KCNQ1: variants seen among roughly 807,000 people sequenced by gnomAD.
KCNQ1 encodes potassium voltage-gated channel subfamily KQT member 1.
In KCNQ1, 49 loss-of-function variants were observed where a neutral mutation model predicts 72.4. That is an observed-to-expected ratio of 0.68 (90% CI 0.54 to 0.86). KCNQ1 has a LOEUF of 0.86. Ranked by LOEUF, KCNQ1 falls within the 40% of genes least tolerant of loss-of-function variation. The pLI, the probability that KCNQ1 is intolerant of heterozygous loss-of-function variation, is 0.00. For synonymous variants in KCNQ1, 450 were observed against 412.6 expected (o/e 1.09, Z -1.10); for missense variants, 790 against 945.1 (o/e 0.84, Z 2.15).
At position 2,623,742 on chromosome 11, in the gene KCNQ1, AT is replaced by A; in HGVS notation, c.1393+34893del. 1 of 398,522 alleles carries A rather than the reference AT, an allele frequency of 2.5e-6. No homozygotes were observed. The highest frequency in any genetic ancestry group is 4.4e-6 in the Non-Finnish European group (1 of 226,036). 24.7% of individuals were successfully genotyped at this position (398,522 alleles called of 1,614,324 possible). ...AGCTTCTGTAAACATCTCTGTGCAG[AT>A]TTTTATGTGAATATAAGTCTTCACC... is the stretch of plus-strand genomic sequence containing the variant. On this transcript the variant is annotated intron_variant, in intron 10 of 15. Coordinates refer to ENST00000155840, the MANE Select transcript of KCNQ1 (RefSeq NM_000218.3). The surrounding 1 kb of genome is among the most constrained non-coding windows in gnomAD (Gnocchi z 5.2).
chr11:2,689,002 T>TCCCTGGGTTGGAATCCTGGAG, intron 11 of KCNQ1: 1 of 398,678 alleles, frequency 2.5e-6, no homozygotes, highest in East Asian at 3.6e-5. Context: ...AGCCTGCAGG[T>TCCCTGGGTTGGAATCCTGGAG]CCCTGGGTTG....
At chr11:2,555,305 C>T (rs1265386257) in intron 2 of KCNQ1, among the ~76,000 whole-genome samples, 1 of 152,202 alleles carries the variant, frequency 6.6e-6, no homozygotes, top group Non-Finnish European at 1.5e-5. Context: ...ACCCCCTTTT[C>T]CCCCTATCCC....
intron 10 of KCNQ1, chr11:2,616,999 G>C (rs1221294193): frequency 2.5e-6 from 1 of 397,308 alleles, no homozygotes; most frequent in Non-Finnish European, 4.4e-6. Context: ...TGCATATTTA[G>C]TGTATAAAAC....
chr11:2,755,758 T>C (rs1025827697), intron 11 of KCNQ1, among the ~76,000 whole-genome samples: 3 of 152,232 alleles, frequency 2.0e-5, no homozygotes, highest in Non-Finnish European at 4.4e-5. Context: ...CACAATACAA[T>C]GAATTGATAA....
Position 2,494,752 on chromosome 11 carries a change from T to C in KCNQ1, c.387-33176T>C, listed in dbSNP as rs918924924. 6.6e-6 allele frequency among the ~76,000 whole-genome samples: 1 copy of C among 152,222 alleles called. No individual in the cohort carries two copies. Among genetic ancestry groups the C allele is most frequent in the Non-Finnish European group, 1.5e-5 (1 of 68,040 alleles). On this transcript the variant is annotated intron_variant, in intron 1 of 15. Transcript: ENST00000155840. This position sits in a 1 kb window ranked among gnomAD's most constrained non-coding sequence, Gnocchi z 4.6. ...CTGGATTCAGTTTGCCAGTATTTTA[T>C]TGAAGATTTTTGCATCGGTGCTCAT...
chr11:2,654,093 C>G lies in KCNQ1; in HGVS notation c.1394-7868C>G, dbSNP rs533259818. 2.5e-6 allele frequency: 1 copy of G among 398,790 alleles called. No homozygotes were observed. Among genetic ancestry groups the G allele is most frequent in the African/African-American group, 2.1e-5 (1 of 48,778 alleles). The allele number at this position is 398,790 out of a possible 1,614,324, so 24.7% of individuals were successfully genotyped here. On this transcript the variant is annotated intron_variant, in intron 10 of 15. Coordinates refer to ENST00000155840, the MANE Select transcript of KCNQ1 (RefSeq NM_000218.3). This position sits in a 1 kb window ranked among gnomAD's most constrained non-coding sequence, Gnocchi z 6.4. Reference sequence around the variant, plus strand: ...CACTTTCCATCCATGTCCCTTACTTCTCGCCTCTGAGTGGAGACACAGGTG... The same window carrying G: ...CACTTTCCATCCATGTCCCTTACTTGTCGCCTCTGAGTGGAGACACAGGTG...
In KCNQ1 at chr11:2,647,630, G is replaced by A. The variant is rs372052163; in HGVS notation, c.1394-14331G>A. The A allele has an allele frequency of 1.7e-4, 69 of 398,388 alleles. No individual in the cohort carries two copies. The South Asian group carries it at 1.8e-3, about 10-fold the overall frequency. The allele number at this position is 398,388 out of a possible 1,614,324, so 24.7% of individuals were successfully genotyped here. A position where few individuals can be genotyped will look rare whatever the true frequency, so the allele number is the denominator to read the frequency against. On this transcript the variant is annotated intron_variant, in intron 10 of 15. Coordinates refer to ENST00000155840, the MANE Select transcript of KCNQ1 (RefSeq NM_000218.3). The surrounding 1 kb of genome is among the most constrained non-coding windows in gnomAD (Gnocchi z 4.0). ...CAGTAGAAAACCCGTGCAATCCTGA[G>A]GTTTTCTTTACTGGGAGACTTTATT...
chr11:2,571,990 G>T, intron 4 of KCNQ1, 23 bp from the exon 5 acceptor site: 1 of 1,601,454 alleles, frequency 6.2e-7, no homozygotes, highest in Non-Finnish European at 8.5e-7. Flanking sequence ...GGCTCCCTCA[G>T]CCCCACACCA....
At chr11:2,730,598 G>A (rs1056882909) in intron 11 of KCNQ1, among the ~76,000 whole-genome samples, 9 of 152,184 alleles carry the variant, frequency 5.9e-5, no homozygotes, top group Non-Finnish European at 1.2e-4. Flanking sequence ...GACTGCAGGG[G>A]GCCTGGGAGG....
chr11:2,469,560 G>A (rs1481066469), intron 1 of KCNQ1, among the ~76,000 whole-genome samples: 3 of 147,724 alleles, frequency 2.0e-5, no homozygotes, highest in East Asian at 4.2e-4. Flanking sequence ...CATGAGCTAC[G>A]GCTCCCGGCC....
rs1397502173 is a variant in KCNQ1, at chr11:2,668,987, G to C, written c.1514+6906G>C. The C allele has an allele frequency of 2.5e-6, 1 of 398,466 alleles. No individual in the cohort carries two copies. Among genetic ancestry groups the C allele is most frequent in the Non-Finnish European group, 4.4e-6 (1 of 226,082 alleles). 24.7% of individuals were successfully genotyped at this position (398,466 alleles called of 1,614,324 possible). On this transcript the variant is annotated intron_variant, in intron 11 of 15. Transcript: ENST00000155840. The surrounding 1 kb of genome is among the most constrained non-coding windows in gnomAD (Gnocchi z 4.3). ...ATTTTTGTGTCCAATGTGAGGCCGA[G>C]GTCAAGGTCCACTCTTCCCCTACTT...
At position 2,609,544 on chromosome 11, in the gene KCNQ1, G is replaced by A. The variant is rs1215272072; in HGVS notation, c.1393+20690G>A. 2.0e-5 allele frequency: 8 copies of A among 398,120 alleles called. 1 individual carries two copies. In the South Asian group the frequency reaches 1.0e-3, roughly 51 times the overall value. The allele number at this position is 398,120 out of a possible 1,614,324, so 24.7% of individuals were successfully genotyped here. On this transcript the variant is annotated intron_variant, in intron 10 of 15. Coordinates refer to ENST00000155840, the MANE Select transcript of KCNQ1 (RefSeq NM_000218.3). ...TATAATTACCTTTTGAGTCTAGTTG[G>A]TTTATGGTGTTGCTCATATCTTCTG...
rs1406262292 is a variant in KCNQ1, at chr11:2,620,052, A to T, written c.1393+31198A>T. 5.0e-6 allele frequency: 2 copies of T among 397,932 alleles called. No individual in the cohort carries two copies. Among genetic ancestry groups the T allele is most frequent in the Non-Finnish European group, 8.9e-6 (2 of 225,986 alleles). 24.7% of individuals were successfully genotyped at this position (397,932 alleles called of 1,614,324 possible). A position where few individuals can be genotyped will look rare whatever the true frequency, so the allele number is the denominator to read the frequency against. ...AAGTAGTCCCCAGTGTCTACTGATC[A>T]TCTTTATGTCCATGTTTACTCAGTG... On this transcript the variant is annotated intron_variant, in intron 10 of 15. Transcript: ENST00000155840. This position sits in a 1 kb window ranked among gnomAD's most constrained non-coding sequence, Gnocchi z 4.5.
chr11:2,820,796 C>T (rs1847717451), intron 15 of KCNQ1, among the ~76,000 whole-genome samples: 1 of 152,244 alleles, frequency 6.6e-6, no homozygotes, highest in African/African-American at 2.4e-5. Flanking sequence ...TGGCTTCCGC[C>T]TCCCTTCCCT....
rs191469129 is a variant in KCNQ1, at chr11:2,847,360, A to G, written c.1795-407A>G. ...CCCAAATGTCCCCAAGCCTGGCCTC[A>G]AGAAGCCAAAGGCTGCCGCAAACCC... On this transcript the variant is annotated intron_variant, in intron 15 of 15. Coordinates refer to ENST00000155840, the MANE Select transcript of KCNQ1 (RefSeq NM_000218.3). Among the ~76,000 whole-genome samples the G allele has an allele frequency of 4.5e-4, 68 of 152,332 alleles. 1 individual carries two copies. Among genetic ancestry groups the G allele is most frequent in the Non-Finnish European group, 7.1e-4 (48 of 68,020 alleles).
chr11:2,624,483 C>T lies in KCNQ1; in HGVS notation c.1393+35629C>T, dbSNP rs1319671589. On this transcript the variant is annotated intron_variant, in intron 10 of 15. Coordinates refer to ENST00000155840, the MANE Select transcript of KCNQ1 (RefSeq NM_000218.3). The surrounding 1 kb of genome is among the most constrained non-coding windows in gnomAD (Gnocchi z 4.9). ...TGCCTTTGGTGTCATATCTAAAAAG[C>T]CATCACCAAACTAAAGATCATCTAG... The T allele has an allele frequency of 2.5e-6, 1 of 398,294 alleles. No homozygotes were observed. Among genetic ancestry groups the T allele is most frequent in the Non-Finnish European group, 4.4e-6 (1 of 226,012 alleles). 24.7% of individuals were successfully genotyped at this position (398,294 alleles called of 1,614,324 possible).
intron 13 of KCNQ1, 33 bp downstream of exon 13, chr11:2,776,087 C>A: frequency 6.6e-7 from 1 of 1,522,486 alleles, no homozygotes. Context: ...GGGGAGGGTG[C>A]CCAGGTCCTG....
At chr11:2,631,500 T>A (rs748885201) in intron 10 of KCNQ1, 58 of 398,456 alleles carry the variant, frequency 1.5e-4, no homozygotes, top group Non-Finnish European at 2.3e-4. Context: ...AGGTTGTCTC[T>A]CTGTTCTCTG....
chr11:2,686,323 G>T, intron 11 of KCNQ1: 1 of 398,700 alleles, frequency 2.5e-6, no homozygotes, highest in East Asian at 3.6e-5. Flanking sequence ...CACCTGGCCC[G>T]TCCCACCTGT....
Sources: allele counts gnomAD v4.1 joint callset (sites outside exome capture counted in the v4.1 genomes callset), GRCh38; gene constraint gnomAD v4.1.1; non-coding constraint Gnocchi (gnomAD v3.1); transcripts MANE v1.5; gene names NCBI Gene and HGNC (gene_info 2026-07-23, HGNC 2026-07-21).